TNRC6B: variants seen among roughly 807,000 people sequenced by gnomAD.
The protein encoded by TNRC6B is trinucleotide repeat-containing gene 6B protein.
In TNRC6B, 52 loss-of-function variants were observed where a neutral mutation model predicts 203.6. That is an observed-to-expected ratio of 0.26 (90% CI 0.20 to 0.32). The LOEUF (loss-of-function observed/expected upper bound fraction) is 0.32. Among genes scored for constraint, TNRC6B ranks in the 10% least tolerant of loss-of-function variants. The probability of loss-of-function intolerance (pLI) is 1.00; values close to 1 mark genes in which losing one functional copy is unlikely to be tolerated. For synonymous variants in TNRC6B, 838 were observed against 845.7 expected, an observed-to-expected ratio of 0.99 and a Z score of 0.16; for missense variants, 1,923 against 2,286.2, an observed-to-expected ratio of 0.84 and a Z score of 3.24.
intron 12 of TNRC6B, among the ~76,000 whole-genome samples, chr22:40,292,878 T>C (rs1195647809): frequency 6.6e-6 from 1 of 152,244 alleles, no homozygotes; most frequent in South Asian, 2.1e-4. Context: ...CTTCTAAAGA[T>C]CACTTTCCTA....
intron 1 of TNRC6B, among the ~76,000 whole-genome samples, chr22:40,202,436 G>A (rs905551956): frequency 6.6e-6 from 1 of 152,038 alleles, no homozygotes; most frequent in Non-Finnish European, 1.5e-5. Flanking sequence ...GTGGAGGAAT[G>A]TAAATAAACC....
chr22:40,237,569 G>T lies in TNRC6B; in HGVS notation c.6-8446G>T, dbSNP rs556383151. 1.2e-3 allele frequency among the ~76,000 whole-genome samples: 189 copies of T among 152,252 alleles called. 1 individual carries two copies. Among genetic ancestry groups the T allele is most frequent in the African/African-American group, 4.5e-3 (186 of 41,548 alleles). Reference sequence around the variant, plus strand: ...CCAAGTAAGCCAGAAAACCAGAGAAGGTGTGGGTGTGTGTCTGGGGAGGCT... The same window carrying T: ...CCAAGTAAGCCAGAAAACCAGAGAATGTGTGGGTGTGTGTCTGGGGAGGCT... On this transcript the variant is annotated intron_variant, in intron 1 of 22. Coordinates refer to ENST00000454349, the MANE Select transcript of TNRC6B (RefSeq NM_001162501.2).
chr22:40,282,994 C>T (rs1267774564), intron 11 of TNRC6B, among the ~76,000 whole-genome samples: 1 of 151,776 alleles, frequency 6.6e-6, no homozygotes, highest in Non-Finnish European at 1.5e-5. Flanking sequence ...TATACAAGTG[C>T]CTTTTTTCTC....
Position 40,120,865 on chromosome 22 carries a change from A to G in TNRC6B, c.-47+3737A>G, listed in dbSNP as rs1389487633. Among the ~76,000 whole-genome samples the G allele has an allele frequency of 2.0e-5, 3 of 152,310 alleles. 1 individual carries two copies. The highest frequency in any genetic ancestry group is 6.8e-3 in the Middle Eastern group (2 of 294). ...GACTTAACAGGTTTATTCGCCCACC[A>G]CCACTAGTCTGGGATAGACCTGCCT... On this transcript the variant is annotated intron_variant, in intron 2 of 23. Coordinates refer to the TNRC6B transcript ENST00000301923.
At chr22:40,170,297 A>G (rs1178575087) in intron 4 of TNRC6B, among the ~76,000 whole-genome samples, 1 of 118,568 alleles carries the variant, frequency 8.4e-6, no homozygotes, top group African/African-American at 3.3e-5. Flanking sequence ...AAAAATATAT[A>G]TATATAATAT....
chr22:40,331,516 T>C lies in TNRC6B; in HGVS notation c.*8275T>C, dbSNP rs188742228. On this transcript the variant is annotated 3_prime_UTR_variant, in exon 23 of 23. Coordinates refer to ENST00000454349, the MANE Select transcript of TNRC6B (RefSeq NM_001162501.2). ...GTCCCTCCCACTCGATTCCTTCAGC[T>C]TCATTCAGGAAGACACAGGGAGGAG... The C allele has an allele frequency of 8.0e-4, 299 of 371,668 alleles. 1 individual carries two copies. The highest frequency in any genetic ancestry group is 5.3e-3 in the African/African-American group (254 of 48,300). The allele number at this position is 371,668 out of a possible 1,614,324, so 23.0% of individuals were successfully genotyped here. A position where few individuals can be genotyped will look rare whatever the true frequency, so the allele number is the denominator to read the frequency against.
intron 1 of TNRC6B, among the ~76,000 whole-genome samples, chr22:40,091,834 T>A (rs2068153419): frequency 6.6e-6 from 1 of 152,158 alleles, no homozygotes; most frequent in Non-Finnish European, 1.5e-5. Flanking sequence ...AAAAAAAAAC[T>A]TTCCTTGAGA....
At chr22:40,167,413 CA>C (rs2068929224) in intron 4 of TNRC6B, among the ~76,000 whole-genome samples, 1 of 151,842 alleles carries the variant, frequency 6.6e-6, no homozygotes, top group South Asian at 2.1e-4. Context: ...TGGTGGTTGC[CA>C]GGGGCTGAGG....
At chr22:40,182,863 T>C (rs1010613505) in intron 1 of TNRC6B, among the ~76,000 whole-genome samples, 26 of 152,346 alleles carry the variant, frequency 1.7e-4, no homozygotes, top group African/African-American at 5.3e-4. Flanking sequence ...TTCAAAATTA[T>C]CTTTTGCATT....
intron 9 of TNRC6B, 49 bp from the exon 10 acceptor site, chr22:40,279,946 G>C: frequency 6.3e-7 from 1 of 1,596,408 alleles, no homozygotes; most frequent in Non-Finnish European, 8.6e-7. Flanking sequence ...TGGTTCATGG[G>C]GGAAACATTG....
At chr22:40,278,527 C>T (rs1311449982) in intron 9 of TNRC6B, among the ~76,000 whole-genome samples, 1 of 142,316 alleles carries the variant, frequency 7.0e-6, no homozygotes, top group Non-Finnish European at 1.5e-5. Flanking sequence ...CACTGCACTC[C>T]AGCCTGGCAA....
chr22:40,082,007 C>A (rs1328264686), intron 1 of TNRC6B, among the ~76,000 whole-genome samples: 1 of 151,868 alleles, frequency 6.6e-6, no homozygotes, highest in Admixed American at 6.6e-5. Context: ...TTATCACAAG[C>A]TAGCCGCAGT....
At chr22:40,120,546 GAAGTAA>G (rs1416534973) in intron 2 of TNRC6B, among the ~76,000 whole-genome samples, 1 of 152,124 alleles carries the variant, frequency 6.6e-6, no homozygotes, top group East Asian at 1.9e-4. Flanking sequence ...AAAAGCTTAG[GAAGTAA>G]AAGTGTGTGA....
Position 40,269,918 on chromosome 22 carries a change from A to C in TNRC6B, c.2807-204A>C, listed in dbSNP as rs2070535471. Among the ~76,000 whole-genome samples, 6 of 150,768 alleles carry C rather than the reference A, an allele frequency of 4.0e-5. 1 individual carries two copies. The South Asian group carries it at 1.3e-3, about 32-fold the overall frequency. ...AAAAAAAAAAAAAAAAATTCCTGGC[A>C]GTTGAGTTACTGGGTGAAAAGTTTA... On this transcript the variant is annotated intron_variant, in intron 5 of 22. Coordinates refer to ENST00000454349, the MANE Select transcript of TNRC6B (RefSeq NM_001162501.2).
At chr22:40,169,173 C>A (rs2068947582) in intron 4 of TNRC6B, among the ~76,000 whole-genome samples, 1 of 144,132 alleles carries the variant, frequency 6.9e-6, no homozygotes, top group Non-Finnish European at 1.5e-5. Context: ...TGCTCTGTTG[C>A]CAGGCTGGAG....
At chr22:40,227,774 A>G (rs546422115) in intron 1 of TNRC6B, among the ~76,000 whole-genome samples, 1 of 152,306 alleles carries the variant, frequency 6.6e-6, no homozygotes, top group South Asian at 2.1e-4. Context: ...GTGTCGAACC[A>G]TATGTGGAGG....
At chr22:40,242,101 TG>T in intron 1 of TNRC6B, among the ~76,000 whole-genome samples, 1 of 152,262 alleles carries the variant, frequency 6.6e-6, no homozygotes, top group East Asian at 1.9e-4. Context: ...GCCACAAAAC[TG>T]GGTGCTAAGT....
intron 3 of TNRC6B, among the ~76,000 whole-genome samples, chr22:40,139,594 A>C (rs1026048239): frequency 1.3e-5 from 2 of 152,124 alleles, no homozygotes; most frequent in Non-Finnish European, 2.9e-5. Flanking sequence ...GGCCTCCCAA[A>C]GTGCCGGGAT....
chr22:40,076,662 C>T (rs2068016628), intron 1 of TNRC6B, among the ~76,000 whole-genome samples: 2 of 152,050 alleles, frequency 1.3e-5, no homozygotes, highest in Admixed American at 6.5e-5. Context: ...CTAAGCCTCT[C>T]AAAGTGGTGT....
Sources: gnomAD v4.1 joint callset for allele counts (sites outside exome capture counted in the v4.1 genomes callset) on GRCh38, gnomAD v4.1.1 for gene constraint, MANE v1.5 for transcripts, NCBI Gene and HGNC (gene_info 2026-07-23, HGNC 2026-07-21) for gene names.